SPATA13: variants seen among roughly 807,000 people sequenced by gnomAD.
SPATA13 encodes spermatogenesis associated 13.
A neutral mutation model predicts 104.0 loss-of-function variants in SPATA13; 50 were observed. The ratio of observed to expected loss-of-function variants is 0.48; its 90% CI spans 0.38 to 0.61. SPATA13 has a LOEUF of 0.61. SPATA13 is among the 20% of genes least tolerant of loss of function. SPATA13 has a pLI of 0.00. For synonymous variants in SPATA13, 606 were observed against 667.5 expected (o/e 0.91, Z 1.42); for missense variants, 1,524 against 1,690.6 (o/e 0.90, Z 1.73).
intron 3 of SPATA13, among the ~76,000 whole-genome samples, chr13:24,115,397 G>A (rs1943704574): frequency 6.6e-6 from 1 of 152,242 alleles, no homozygotes; most frequent in Admixed American, 6.5e-5. Context: ...AGGTGAGTGA[G>A]CATTACTGCC....
chr13:24,207,007 G>T, intron 1 of SPATA13, among the ~76,000 whole-genome samples: 1 of 152,126 alleles, frequency 6.6e-6, no homozygotes, highest in Non-Finnish European at 1.5e-5. Flanking sequence ...AAGAAAAGTG[G>T]TATGTATACA....
intron 3 of SPATA13, among the ~76,000 whole-genome samples, chr13:24,068,198 C>T (rs1375481718): frequency 6.6e-6 from 1 of 152,124 alleles, no homozygotes; most frequent in Non-Finnish European, 1.5e-5. Flanking sequence ...GTTTTGTTCT[C>T]CTCTATGTGT....
At position 24,305,874 on chromosome 13, in the gene SPATA13, C is replaced by T. The variant is rs1204691614; in HGVS notation, c.*3101C>T. On this transcript the variant is annotated 3_prime_UTR_variant, in exon 13 of 13. Coordinates refer to ENST00000382108, the MANE Select transcript of SPATA13 (RefSeq NM_001166271.3). The stretch of plus-strand genomic sequence containing the variant: ...TAAAAACCCTGCCGTAGATTAAAAG[C>T]AATTATAAAATCATAAAATTGAATG... 1 of 152,148 alleles carries T rather than the reference C, an allele frequency of 6.6e-6. No homozygotes were observed. Among genetic ancestry groups the T allele is most frequent in the Non-Finnish European group, 1.5e-5 (1 of 68,024 alleles). 9.4% of individuals were successfully genotyped at this position (152,148 alleles called of 1,614,324 possible).
Position 24,101,484 on chromosome 13 carries a change from T to C in SPATA13, c.-112+83783T>C, listed in dbSNP as rs78906784. ...TTCAATTTAACTATTTTTTAAATTG[T>C]GGTGAAAAAAAACAACACATAAAAC... On this transcript the variant is annotated intron_variant, in intron 3 of 14. Coordinates refer to the SPATA13 transcript ENST00000424834. 3.8e-3 allele frequency among the ~76,000 whole-genome samples: 494 copies of C among 129,480 alleles called. 14 individuals are homozygous for C. The East Asian group carries it at 0.065, about 17-fold the overall frequency. The allele number at this position is 129,480 out of a possible 152,430, so 84.9% of individuals were successfully genotyped here.
chr13:24,190,056 TAATGATATA>T, intron 1 of SPATA13, among the ~76,000 whole-genome samples: 1 of 81,940 alleles, frequency 1.2e-5, no homozygotes, highest in African/African-American at 6.9e-5. Context: ...ATATAACATA[TAATGATATA>T]CTATATATAT....
At chr13:24,276,861 C>T (rs1406321292) in intron 4 of SPATA13, among the ~76,000 whole-genome samples, 3 of 152,130 alleles carry the variant, frequency 2.0e-5, no homozygotes, top group African/African-American at 2.4e-5. Flanking sequence ...GCAGCAGCAC[C>T]GGCCTGTGGG....
At chr13:24,302,468 A>G in intron 12 of SPATA13, 130 bp from the exon 13 acceptor site, 1 of 169,948 alleles carries the variant, frequency 5.9e-6, no homozygotes, top group African/African-American at 7.8e-5. Context: ...TCAAAAAAAA[A>G]AAAAAAAAAA....
rs139760867 is a variant in SPATA13, at chr13:24,176,325, A to ACCC, written c.-112+15395_-112+15397dup. ...CTAAAGTTGTTTATGTTTTGTAAAC[A>ACCC]CCCCATTAGTTTAACCCATTTTATT... is the stretch of plus-strand genomic sequence containing the variant. On this transcript the variant is annotated intron_variant, in intron 1 of 12. Coordinates refer to ENST00000382108, the MANE Select transcript of SPATA13 (RefSeq NM_001166271.3). 9.6e-3 allele frequency among the ~76,000 whole-genome samples: 1,454 copies of ACCC among 152,226 alleles called. 32 individuals are homozygous for ACCC. Among genetic ancestry groups the ACCC allele is most frequent in the African/African-American group, 0.034 (1,398 of 41,540 alleles).
chr13:24,066,824 C>T (rs1032818704), intron 3 of SPATA13, among the ~76,000 whole-genome samples: 49 of 152,194 alleles, frequency 3.2e-4, no homozygotes, highest in African/African-American at 1.2e-3. Flanking sequence ...AGCAGGCATC[C>T]GCCCTCTGTG....
intron 3 of SPATA13, among the ~76,000 whole-genome samples, chr13:24,021,802 C>A (rs930791167): frequency 6.6e-6 from 1 of 151,882 alleles, no homozygotes; most frequent in African/African-American, 2.4e-5. Flanking sequence ...AGCTCCACCT[C>A]CCGGGTTCAC....
intron 2 of SPATA13, among the ~76,000 whole-genome samples, chr13:24,007,754 C>G (rs979930523): frequency 2.0e-5 from 3 of 152,194 alleles, no homozygotes; most frequent in African/African-American, 7.2e-5. Flanking sequence ...AGGTGTGAGC[C>G]ACCAAGCCCA....
At chr13:24,062,216 C>T (rs993347823) in intron 3 of SPATA13, among the ~76,000 whole-genome samples, 3 of 152,218 alleles carry the variant, frequency 2.0e-5, no homozygotes, top group Admixed American at 6.5e-5. Context: ...GATGCTATTC[C>T]GGGAAGAGCT....
chr13:24,245,843 C>A (rs1873105474), intron 2 of SPATA13, among the ~76,000 whole-genome samples: 1 of 152,106 alleles, frequency 6.6e-6, no homozygotes, highest in South Asian at 2.1e-4. Flanking sequence ...CCTGCCTGAG[C>A]CTCCCAAAGT....
At chr13:24,027,538 T>C (rs1223331077) in intron 3 of SPATA13, among the ~76,000 whole-genome samples, 1 of 152,242 alleles carries the variant, frequency 6.6e-6, no homozygotes, top group African/African-American at 2.4e-5. Flanking sequence ...ACTTGATCTC[T>C]AATTTCACTG....
intron 1 of SPATA13, among the ~76,000 whole-genome samples, chr13:24,188,047 A>G (rs903612115): frequency 6.6e-6 from 1 of 152,210 alleles, no homozygotes; most frequent in Non-Finnish European, 1.5e-5. Context: ...GGAAATTAAA[A>G]GTGATACTCC....
chr13:24,129,980 G>T (rs957763162), intron 3 of SPATA13, among the ~76,000 whole-genome samples: 72 of 152,320 alleles, frequency 4.7e-4, no homozygotes, highest in Non-Finnish European at 8.2e-4. Context: ...AGTCCCTCCA[G>T]GTCCTCTGTG....
chr13:24,236,787 G>T (rs1015951674), intron 2 of SPATA13, among the ~76,000 whole-genome samples: 1 of 152,102 alleles, frequency 6.6e-6, no homozygotes, highest in African/African-American at 2.4e-5. Context: ...TGCATTGCTG[G>T]TGGGAAAATA....
rs143243319 is a variant in SPATA13 at position 24,026,126 on chromosome 13, A to G, written c.-112+8425A>G. ...TCTTGGCTACTACTTTGTTGGTTAC[A>G]TTGGTTGCAAATATATTCCCCTCAA... On this transcript the variant is annotated intron_variant, in intron 3 of 14. Coordinates refer to the SPATA13 transcript ENST00000424834. 3.6e-3 allele frequency among the ~76,000 whole-genome samples: 545 copies of G among 152,234 alleles called. 2 individuals are homozygous for G. Among genetic ancestry groups the G allele is most frequent in the African/African-American group, 0.012 (513 of 41,524 alleles).
chr13:24,229,267 A>G (rs945271990), intron 2 of SPATA13, among the ~76,000 whole-genome samples: 2 of 151,892 alleles, frequency 1.3e-5, no homozygotes, highest in African/African-American at 4.8e-5. Flanking sequence ...CATGGAAAAA[A>G]CTCTTAAATG....
Sources: gnomAD v4.1 joint callset for allele counts (sites outside exome capture counted in the v4.1 genomes callset) on GRCh38, gnomAD v4.1.1 for gene constraint, MANE v1.5 for transcripts, NCBI Gene and HGNC (gene_info 2026-07-23, HGNC 2026-07-21) for gene names.